Variants in VRK1 observed in about 807,000 individuals in gnomAD.
The protein encoded by VRK1 is serine/threonine-protein kinase VRK1.
A neutral mutation model predicts 57.1 loss-of-function variants in VRK1; 33 were observed. That is an observed-to-expected ratio of 0.58 (90% CI 0.44 to 0.77). The LOEUF (loss-of-function observed/expected upper bound fraction) is 0.77, where lower values mean the gene tolerates loss of function less well. Among genes scored for constraint, VRK1 ranks in the 30% least tolerant of loss-of-function variants. VRK1 has a pLI of 0.00. For missense variants in VRK1, 413 were observed against 477.3 expected, an observed-to-expected ratio of 0.87 and a Z score of 1.25; for synonymous variants, 137 against 147.8, an observed-to-expected ratio of 0.93 and a Z score of 0.53.
At chr14:96,844,886 A>G (rs1405075036) in intron 3 of VRK1, among the ~76,000 whole-genome samples, 2 of 152,134 alleles carry the variant, frequency 1.3e-5, no homozygotes, top group Non-Finnish European at 2.9e-5. Flanking sequence ...TATTTTCTGA[A>G]TTATAAGAAA....
chr14:96,874,916 C>G (rs1888965712), intron 11 of VRK1, among the ~76,000 whole-genome samples: 2 of 152,134 alleles, frequency 1.3e-5, no homozygotes, highest in Admixed American at 1.3e-4. Context: ...AAATGGCCTG[C>G]AGCAAGGAAC....
chr14:96,856,837 G>A (rs185132631), intron 10 of VRK1, among the ~76,000 whole-genome samples: 3 of 152,114 alleles, frequency 2.0e-5, no homozygotes, highest in Non-Finnish European at 4.4e-5. Flanking sequence ...GCGTGGTGAC[G>A]CACGCCTGTG....
In VRK1 at chr14:96,862,396, T is replaced by C. The variant is rs111858902; in HGVS notation, c.1068+1661T>C. Among the ~76,000 whole-genome samples, 917 of 152,308 alleles carry C rather than the reference T, an allele frequency of 6.0e-3. 11 individuals are homozygous for C. The highest frequency in any genetic ancestry group is 0.021 in the African/African-American group (868 of 41,566). ...TAGTTTACTACTTTTTGTACACTCATTGCTGACACAGGGTTATTCTTTGTA... is the reference window on the plus strand; with the variant it reads ...TAGTTTACTACTTTTTGTACACTCACTGCTGACACAGGGTTATTCTTTGTA... On this transcript the variant is annotated intron_variant, in intron 11 of 12. Coordinates refer to ENST00000216639, the MANE Select transcript of VRK1 (RefSeq NM_003384.3).
At chr14:96,849,616 G>A (rs1039928676) in intron 5 of VRK1, among the ~76,000 whole-genome samples, 1 of 152,152 alleles carries the variant, frequency 6.6e-6, no homozygotes, top group Non-Finnish European at 1.5e-5. Flanking sequence ...CTTACTTTAT[G>A]AATTACTGTG....
At chr14:96,847,488 A>G in intron 5 of VRK1, 144 bp downstream of exon 5, 2 of 705,148 alleles carry the variant, frequency 2.8e-6, no homozygotes, top group East Asian at 2.8e-5. Flanking sequence ...ACAGAGAGGA[A>G]TAAGATGTTA....
At chr14:96,808,019 G>GTCTCTCTCTCTCTCTCTCTCTCCC (rs1566683621) in intron 1 of VRK1, among the ~76,000 whole-genome samples, 467 of 34,004 alleles carry the variant, frequency 0.014, 15 homozygotes, top group African/African-American at 0.033. Context: ...CTCTCCCTCT[G>GTCTCTCTCTCTCTCTCTCTCTCCC]TGTGTGTGTG....
intron 2 of VRK1, among the ~76,000 whole-genome samples, chr14:96,835,111 C>T (rs1335937671): frequency 6.6e-6 from 1 of 152,084 alleles, no homozygotes; most frequent in Non-Finnish European, 1.5e-5. Context: ...TAAAACTTTA[C>T]TTTTGTAAGG....
At chr14:96,851,170 T>G (rs1887931406) in intron 5 of VRK1, among the ~76,000 whole-genome samples, 1 of 152,042 alleles carries the variant, frequency 6.6e-6, no homozygotes. Context: ...GAGGTGGAGT[T>G]TGCTCTTGTC....
chr14:96,867,903 C>A (rs1215846817), intron 11 of VRK1, among the ~76,000 whole-genome samples: 1 of 151,908 alleles, frequency 6.6e-6, no homozygotes, highest in Admixed American at 6.6e-5. Context: ...AATTATGAGA[C>A]TTTTTTATAT....
chr14:96,806,066 A>G (rs1481649162), intron 1 of VRK1, among the ~76,000 whole-genome samples: 3 of 149,258 alleles, frequency 2.0e-5, no homozygotes, highest in Non-Finnish European at 3.0e-5. Flanking sequence ...ATTGCTTGGC[A>G]CCTATGCCCT....
chr14:96,848,418 G>T (rs1887802560), intron 5 of VRK1, among the ~76,000 whole-genome samples: 1 of 152,162 alleles, frequency 6.6e-6, no homozygotes, highest in African/African-American at 2.4e-5. Flanking sequence ...AGCGATCCAT[G>T]TGGAAAAGGA....
intron 1 of VRK1, among the ~76,000 whole-genome samples, chr14:96,808,022 T>TCTCC (rs1566683641): frequency 8.7e-5 from 4 of 46,066 alleles, no homozygotes; most frequent in Admixed American, 2.9e-4. Context: ...TCCCTCTGTG[T>TCTCC]GTGTGTGTGT....
chr14:96,856,942 TG>T (rs1888183143), intron 10 of VRK1, among the ~76,000 whole-genome samples: 1 of 152,124 alleles, frequency 6.6e-6, no homozygotes. Context: ...CACACCAGCC[TG>T]GGTGACAGAG....
intron 3 of VRK1, among the ~76,000 whole-genome samples, chr14:96,843,540 C>CA (rs1163129928): frequency 2.0e-5 from 3 of 152,088 alleles, no homozygotes; most frequent in Admixed American, 2.0e-4. Context: ...AAATGGCAGC[C>CA]AGTTGCTTTT....
At chr14:96,823,143 A>G (rs1185071648) in intron 1 of VRK1, among the ~76,000 whole-genome samples, 2 of 152,006 alleles carry the variant, frequency 1.3e-5, no homozygotes, top group Non-Finnish European at 2.9e-5. Context: ...CCTATCCTCT[A>G]TCTCCCTTTA....
chr14:96,825,546 T>C (rs988156543), intron 1 of VRK1, among the ~76,000 whole-genome samples: 1 of 152,212 alleles, frequency 6.6e-6, no homozygotes, highest in Non-Finnish European at 1.5e-5. Flanking sequence ...ACGAGGAGCT[T>C]ATAAGCTTAT....
At chr14:96,798,159 TTG>T (rs1431587176) in intron 1 of VRK1, among the ~76,000 whole-genome samples, 1 of 152,152 alleles carries the variant, frequency 6.6e-6, no homozygotes, top group East Asian at 1.9e-4. Context: ...TTAGAGCCGC[TTG>T]TGTGTTTTGC....
At chr14:96,849,444 G>A (rs1329583125) in intron 5 of VRK1, among the ~76,000 whole-genome samples, 14 of 148,858 alleles carry the variant, frequency 9.4e-5, no homozygotes, top group Non-Finnish European at 1.9e-4. Flanking sequence ...GAGTATAAAC[G>A]TCTTAAAAAA....
At chr14:96,841,531 G>A (rs1887460637) in intron 3 of VRK1, among the ~76,000 whole-genome samples, 1 of 152,088 alleles carries the variant, frequency 6.6e-6, no homozygotes, top group Admixed American at 6.6e-5. Flanking sequence ...CTTTTTGGAT[G>A]TTACAGTTAT....
Sources: allele counts gnomAD v4.1 joint callset (sites outside exome capture counted in the v4.1 genomes callset), GRCh38; gene constraint gnomAD v4.1.1; transcripts MANE v1.5; gene names NCBI Gene and HGNC (gene_info 2026-07-23, HGNC 2026-07-21).